LRRK1: variants seen among roughly 807,000 people sequenced by gnomAD.
LRRK1 encodes the protein leucine rich repeat kinase 1.
LRRK1 carries 113 observed loss-of-function variants against 209.1 expected under a neutral mutation model. That is an observed-to-expected ratio of 0.54 (90% CI 0.46 to 0.63). LRRK1 has a LOEUF of 0.63. Among genes scored for constraint, LRRK1 ranks in the 30% least tolerant of loss-of-function variants. The pLI is 0.00. For missense variants in LRRK1, 2,284 were observed against 2,632.2 expected, an observed-to-expected ratio of 0.87 and a Z score of 2.89; for synonymous variants, 1,144 against 1,099.7, an observed-to-expected ratio of 1.04 and a Z score of -0.80.
chr15:100,921,375 A>G (rs1037001198), intron 1 of LRRK1, among the ~76,000 whole-genome samples: 1 of 152,218 alleles, frequency 6.6e-6, no homozygotes, highest in African/African-American at 2.4e-5. Flanking sequence ...CCCCAAACCC[A>G]TTAAACACAT....
rs1295918375 is a variant in LRRK1 at position 100,957,987 on chromosome 15, TC to T, written c.98-15815del. ...TTCAAGTGATTCTCCTGCCTCAGCC[TC>T]CTGAGTAGCTGGGATTACAGGCAGC... is the stretch of plus-strand genomic sequence containing the variant. On this transcript the variant is annotated intron_variant, in intron 2 of 33. Coordinates refer to ENST00000388948, the MANE Select transcript of LRRK1 (RefSeq NM_024652.6). Among the ~76,000 whole-genome samples, 3 of 152,302 alleles carry T rather than the reference TC, an allele frequency of 2.0e-5. No individual in the cohort carries two copies. In the East Asian group the frequency reaches 5.8e-4, roughly 29 times the overall value.
intron 2 of LRRK1, among the ~76,000 whole-genome samples, chr15:100,956,406 C>G (rs949317871): frequency 5.4e-4 from 21 of 39,174 alleles, no homozygotes; most frequent in Non-Finnish European, 8.8e-4. Flanking sequence ...AACGATTTGT[C>G]AATTAAAAAA....
At chr15:100,980,227 A>G (rs1236326645) in intron 3 of LRRK1, among the ~76,000 whole-genome samples, 1 of 152,168 alleles carries the variant, frequency 6.6e-6, no homozygotes, top group Non-Finnish European at 1.5e-5. Flanking sequence ...ACTAAGCTAT[A>G]CAAAGGAGCT....
In LRRK1 at chr15:101,075,955, T is replaced by C. The variant is rs1011687866; in HGVS notation, c.*7107T>C. The stretch of plus-strand genomic sequence containing the variant: ...ATCAGTCAAGCCCAAATTTTTTCCC[T>C]ATCTGTTACCTATCTCAGCATAATT... On this transcript the variant is annotated 3_prime_UTR_variant, in exon 34 of 34. Coordinates refer to ENST00000388948, the MANE Select transcript of LRRK1 (RefSeq NM_024652.6). 3.3e-5 allele frequency: 5 copies of C among 152,208 alleles called. No homozygotes were observed. Among genetic ancestry groups the C allele is most frequent in the African/African-American group, 1.2e-4 (5 of 41,404 alleles). 9.4% of individuals were successfully genotyped at this position (152,208 alleles called of 1,614,324 possible).
At chr15:100,971,468 C>T (rs973325797) in intron 2 of LRRK1, among the ~76,000 whole-genome samples, 6 of 152,204 alleles carry the variant, frequency 3.9e-5, no homozygotes, top group African/African-American at 1.4e-4. Context: ...GGAGACCAAA[C>T]TTCTGTCCCA....
chr15:101,045,096 TGTAA>T (rs533508020), intron 20 of LRRK1, among the ~76,000 whole-genome samples: 53 of 152,300 alleles, frequency 3.5e-4, no homozygotes, highest in Admixed American at 1.1e-3. Context: ...TGTCAGAGCG[TGTAA>T]GTGAGAGCCG....
At chr15:101,028,638 C>T (rs1404262871) in intron 19 of LRRK1, among the ~76,000 whole-genome samples, 2 of 152,236 alleles carry the variant, frequency 1.3e-5, no homozygotes, top group Non-Finnish European at 2.9e-5. Flanking sequence ...TGCAAATAAC[C>T]GCAGGAGTGC....
At chr15:100,986,680 A>G (rs1175919623) in intron 4 of LRRK1, among the ~76,000 whole-genome samples, 1 of 152,242 alleles carries the variant, frequency 6.6e-6, no homozygotes, top group African/African-American at 2.4e-5. Flanking sequence ...CACAACCTGT[A>G]GGTAATTAAC....
In LRRK1 at chr15:101,022,302, C is replaced by A; in HGVS notation, c.1853-81C>A. 1 of 1,327,864 alleles carries A rather than the reference C, an allele frequency of 7.5e-7. No individual in the cohort carries two copies. Among genetic ancestry groups the A allele is most frequent in the Non-Finnish European group, 1.1e-6 (1 of 930,672 alleles). The allele number at this position is 1,327,864 out of a possible 1,614,324, so 82.3% of individuals were successfully genotyped here. On this transcript the variant is annotated intron_variant, in intron 14 of 33. Coordinates refer to ENST00000388948, the MANE Select transcript of LRRK1 (RefSeq NM_024652.6). This position sits in a 1 kb window ranked among gnomAD's most constrained non-coding sequence, Gnocchi z 4.0. ...CCCACTAAAACACAAAGAAGGAGTT[C>A]CTTCACAACAGGATTTTGTGTCCTA... is the stretch of plus-strand genomic sequence containing the variant.
intron 2 of LRRK1, among the ~76,000 whole-genome samples, chr15:100,955,599 T>G (rs1272058198): frequency 6.6e-6 from 1 of 152,250 alleles, no homozygotes; most frequent in East Asian, 1.9e-4. Context: ...CTTTTCACCA[T>G]TAAGTATGAT....
In LRRK1 at chr15:100,924,746, G is replaced by A; in HGVS notation, c.97+17G>A. On this transcript the variant is annotated intron_variant, in intron 2 of 33. Transcript: ENST00000388948. The stretch of plus-strand genomic sequence containing the variant: ...CGCTTAACGGTAAGGACAGGGCTGT[G>A]CTTATGCCTGCCTGGGTGTGACCTG... The A allele has an allele frequency of 6.3e-7, 1 of 1,590,354 alleles. No homozygotes were observed. The highest frequency in any genetic ancestry group is 8.6e-7 in the Non-Finnish European group (1 of 1,158,546).
chr15:100,991,772 A>G (rs928156292), intron 6 of LRRK1, among the ~76,000 whole-genome samples: 2 of 152,174 alleles, frequency 1.3e-5, no homozygotes, highest in African/African-American at 2.4e-5. Context: ...TCTAGCAGTT[A>G]TATCTATCTT....
intron 20 of LRRK1, among the ~76,000 whole-genome samples, chr15:101,034,781 T>A (rs2141110526): frequency 6.6e-6 from 1 of 152,252 alleles, no homozygotes; most frequent in East Asian, 1.9e-4. Flanking sequence ...ATTATTGATC[T>A]GTTCAGGTTT....
At chr15:100,998,784 G>A (rs1044627541) in intron 6 of LRRK1, among the ~76,000 whole-genome samples, 15 of 151,728 alleles carry the variant, frequency 9.9e-5, no homozygotes, top group African/African-American at 3.6e-4. Context: ...AGACAGGTGG[G>A]TTGATGGTTA....
chr15:100,962,810 T>TATATATATATATACATATATATATATAC (rs2030112465), intron 2 of LRRK1, among the ~76,000 whole-genome samples: 1 of 30,234 alleles, frequency 3.3e-5, no homozygotes, highest in African/African-American at 1.1e-4. Flanking sequence ...TATATATATA[T>TATATATATATATACATATATATATATAC]ATATATATAT....
At chr15:100,956,272 T>A (rs755902787) in intron 2 of LRRK1, among the ~76,000 whole-genome samples, 2 of 152,046 alleles carry the variant, frequency 1.3e-5, no homozygotes, top group South Asian at 4.1e-4. Context: ...CTAATTTGTT[T>A]GTGTATAATT....
intron 2 of LRRK1, among the ~76,000 whole-genome samples, chr15:100,932,449 C>A (rs2042229614): frequency 6.6e-6 from 1 of 152,170 alleles, no homozygotes. Flanking sequence ...GGTGTGAATC[C>A]AACCATCTTT....
intron 29 of LRRK1, among the ~76,000 whole-genome samples, chr15:101,058,830 G>A (rs551262814): frequency 5.3e-5 from 8 of 152,186 alleles, no homozygotes; most frequent in Admixed American, 1.3e-4. Context: ...GGGATGAGCC[G>A]AAAAACTAGG....
At position 101,066,120 on chromosome 15, in the gene LRRK1, C is replaced by T. The variant is rs2036517927; in HGVS notation, c.5683C>T (p.Leu1895=). The change falls in exon 32 of 34, where the codon CTG becomes TTG. Residue 1895 remains leucine, a synonymous_variant. Coordinates refer to ENST00000388948, the MANE Select transcript of LRRK1 (RefSeq NM_024652.6). ...TGCCTCCGACAGGTCTGAGCATGACCTGACCCCCATGGACGGGGAGACCTT... is the reference window on the plus strand; with the variant it reads ...TGCCTCCGACAGGTCTGAGCATGACTTGACCCCCATGGACGGGGAGACCTT... ...GAASDRSEHD[L]TPMDGETFSQ... 7 of 1,614,154 alleles carry T rather than the reference C, an allele frequency of 4.3e-6. No homozygotes were observed. The highest frequency in any genetic ancestry group is 5.9e-6 in the Non-Finnish European group (7 of 1,180,036).
Sources: allele counts gnomAD v4.1 joint callset (sites outside exome capture counted in the v4.1 genomes callset), GRCh38; gene constraint gnomAD v4.1.1; non-coding constraint Gnocchi (gnomAD v3.1); transcripts MANE v1.5; gene names NCBI Gene and HGNC (gene_info 2026-07-23, HGNC 2026-07-21).